Variants in CASP10 observed in about 807,000 individuals in gnomAD.
The protein encoded by CASP10 is caspase-10.
CASP10 carries 41 observed loss-of-function variants against 48.5 expected under a neutral mutation model. That is an observed-to-expected ratio of 0.85 (90% confidence interval 0.66 to 1.10). The LOEUF (loss-of-function observed/expected upper bound fraction) is 1.10, where lower values mean the gene tolerates loss of function less well. Among genes scored for constraint, CASP10 ranks in the 50% least tolerant of loss-of-function variants. The pLI, the probability that CASP10 is intolerant of heterozygous loss-of-function variation, is 0.00. For missense variants in CASP10, 614 were observed against 614.5 expected (o/e 1.00, Z 0.01); for synonymous variants, 232 against 238.4 (o/e 0.97, Z 0.25).
Position 201,220,011 on chromosome 2 carries a change from C to T in CASP10, c.*2270C>T. 1 of 985,394 alleles carries T rather than the reference C, an allele frequency of 1.0e-6. No individual in the cohort carries two copies. The highest frequency in any genetic ancestry group is 1.2e-6 in the Non-Finnish European group (1 of 829,914). The allele number at this position is 985,394 out of a possible 1,614,324, so 61.0% of individuals were successfully genotyped here. A position where few individuals can be genotyped will look rare whatever the true frequency, so the allele number is the denominator to read the frequency against. On this transcript the variant is annotated 3_prime_UTR_variant, in exon 10 of 10. Coordinates refer to ENST00000286186, the MANE Select transcript of CASP10 (RefSeq NM_032977.4). ...TCAAGGAATGAAGAACAACAACTCT[C>T]AGTGGTGCCTGCATTTATAATTATT...
chr2:201,185,212 G>A (rs1214580596), intron 1 of CASP10, among the ~76,000 whole-genome samples: 1 of 152,064 alleles, frequency 6.6e-6, no homozygotes, highest in East Asian at 1.9e-4. Flanking sequence ...CAGGCTTGAG[G>A]TCTAGGATTA....
rs28936699 is a variant in CASP10, at chr2:201,209,388, C to T, written c.1241C>T (p.Ala414Val). The change falls in exon 9 of 10, where the codon GCA (alanine) becomes GTA (valine). Residue 414 changes from alanine to valine, a missense_variant. Physicochemically the swap from Ala to Val is moderately conservative, Grantham distance 64. Transcript: ENST00000286186. ...EEIQPSVSIE[A>V]DALNPEQAPT... Reference sequence around the variant, plus strand: ...ATACAGCCTTCCGTATCCATCGAAGCAGATGCTCTGAACCCTGAGCAGGCA... The same window carrying T: ...ATACAGCCTTCCGTATCCATCGAAGTAGATGCTCTGAACCCTGAGCAGGCA... 1 of 1,614,140 alleles carries T rather than the reference C, an allele frequency of 6.2e-7. No individual in the cohort carries two copies.
chr2:201,185,584 G>A (rs926459583), intron 1 of CASP10, among the ~76,000 whole-genome samples, 187 bp from the exon 2 acceptor site: 7 of 152,252 alleles, frequency 4.6e-5, no homozygotes, highest in African/African-American at 1.7e-4. Context: ...ACTTGCAAGT[G>A]TTGGGGAAAA....
intron 5 of CASP10, among the ~76,000 whole-genome samples, chr2:201,196,217 C>G (rs1287333534): frequency 6.6e-6 from 1 of 152,162 alleles, no homozygotes; most frequent in African/African-American, 2.4e-5. Context: ...ACTCCCCACA[C>G]CCCTGAGTTG....
intron 9 of CASP10, among the ~76,000 whole-genome samples, chr2:201,228,631 T>G (rs1363473892): frequency 6.6e-6 from 1 of 152,188 alleles, no homozygotes; most frequent in Non-Finnish European, 1.5e-5. Context: ...AGAAACTAAG[T>G]AGTCTTGGAG....
chr2:201,228,845 C>A, intron 9 of CASP10: 1 of 1,169,062 alleles, frequency 8.6e-7, no homozygotes, highest in Non-Finnish European at 1.3e-6. Flanking sequence ...CATAAAAAAG[C>A]TATGCCGGGG....
At chr2:201,192,892 C>A in intron 3 of CASP10, 92 bp from the exon 4 acceptor site, 2 of 1,349,436 alleles carry the variant, frequency 1.5e-6, no homozygotes, top group South Asian at 1.2e-5. Context: ...TTTATCAGTG[C>A]AAAACCTAGT....
intron 4 of CASP10, among the ~76,000 whole-genome samples, chr2:201,194,466 C>G (rs1015885684): frequency 1.3e-4 from 20 of 152,050 alleles, no homozygotes; most frequent in African/African-American, 4.8e-4. Flanking sequence ...GATAAAATCT[C>G]AAACAATAAA....
chr2:201,225,069 C>G (rs1199427646), downstream of CASP10, among the ~76,000 whole-genome samples: 12 of 152,138 alleles, frequency 7.9e-5, no homozygotes, highest in Admixed American at 7.9e-4. Context: ...CCAAGCATGT[C>G]CCTCTCTGAC....
chr2:201,190,316 A>G (rs1317069495), intron 3 of CASP10, among the ~76,000 whole-genome samples: 1 of 152,136 alleles, frequency 6.6e-6, no homozygotes, highest in Non-Finnish European at 1.5e-5. Flanking sequence ...ACATGCACAC[A>G]CACACATGAC....
At chr2:201,188,959 C>T (rs1944510483) in intron 3 of CASP10, among the ~76,000 whole-genome samples, 1 of 151,950 alleles carries the variant, frequency 6.6e-6, no homozygotes, top group Admixed American at 6.6e-5. Flanking sequence ...CAACCTCTGC[C>T]TCCTGGGTTC....
At chr2:201,206,024 A>T (rs1439778825) in intron 7 of CASP10, 51 bp downstream of exon 7, 1 of 1,203,712 alleles carries the variant, frequency 8.3e-7, no homozygotes, top group Non-Finnish European at 1.2e-6. Context: ...TTTTTTTCCA[A>T]ATTTAATCAA....
intron 5 of CASP10, among the ~76,000 whole-genome samples, chr2:201,202,385 C>T (rs894882002): frequency 5.3e-5 from 8 of 152,154 alleles, no homozygotes; most frequent in Admixed American, 3.3e-4. Context: ...GCAACATTCT[C>T]GGGAGAAGAA....
chr2:201,212,627 A>G (rs1331573936), intron 9 of CASP10: 3 of 152,220 alleles, frequency 2.0e-5, no homozygotes, highest in Admixed American at 6.5e-5. Flanking sequence ...TCATCAGCCA[A>G]TTAGTAGAAA....
chr2:201,218,313 C>A lies in CASP10; in HGVS notation c.*572C>A. 1.0e-6 allele frequency: 1 copy of A among 994,684 alleles called. No individual in the cohort carries two copies. The highest frequency in any genetic ancestry group is 1.2e-6 in the Non-Finnish European group (1 of 835,866). The allele number at this position is 994,684 out of a possible 1,614,324, so 61.6% of individuals were successfully genotyped here. A position where few individuals can be genotyped will look rare whatever the true frequency, so the allele number is the denominator to read the frequency against. Reference sequence around the variant, plus strand: ...TAATTGGCTTTGGTTTGTGCAGGTACTTTTTCTTTGAGACAGAGTCACTCC... The same window carrying A: ...TAATTGGCTTTGGTTTGTGCAGGTAATTTTTCTTTGAGACAGAGTCACTCC... On this transcript the variant is annotated 3_prime_UTR_variant, in exon 10 of 10. Transcript: ENST00000286186.
intron 3 of CASP10, among the ~76,000 whole-genome samples, chr2:201,190,649 T>C (rs759030533): frequency 4.6e-5 from 7 of 152,136 alleles, no homozygotes; most frequent in Non-Finnish European, 8.8e-5. Context: ...TTTATTGTTA[T>C]ACCCCGTCCT....
chr2:201,206,604 A>ATT lies in CASP10; in HGVS notation c.813+632_813+633insTT, dbSNP rs201430642. Among the ~76,000 whole-genome samples the ATT allele has an allele frequency of 8.1e-3, 1,200 of 148,350 alleles. 23 individuals carry two copies. The highest frequency in any genetic ancestry group is 0.028 in the African/African-American group (1,161 of 40,760). ...ATATACTTATATATTAAGTGTATAT[A>ATT]TATATATACACACACTCATATATAT... is the stretch of plus-strand genomic sequence containing the variant. On this transcript the variant is annotated intron_variant, in intron 7 of 9. Transcript: ENST00000286186.
At chr2:201,196,318 G>A (rs1433990626) in intron 5 of CASP10, among the ~76,000 whole-genome samples, 3 of 152,200 alleles carry the variant, frequency 2.0e-5, no homozygotes, top group South Asian at 2.1e-4. Flanking sequence ...GCGTCTGATA[G>A]TAATTCCACA....
At chr2:201,200,373 G>A in intron 5 of CASP10, 1 of 1,395,440 alleles carries the variant, frequency 7.2e-7, no homozygotes, top group Non-Finnish European at 1.0e-6. Flanking sequence ...TCTGACTCCA[G>A]TATTCTCTCC....
Sources: gnomAD v4.1 joint callset for allele counts (sites outside exome capture counted in the v4.1 genomes callset) on GRCh38, gnomAD v4.1.1 for gene constraint, MANE v1.5 for transcripts, NCBI Gene and HGNC (gene_info 2026-07-23, HGNC 2026-07-21) for gene names.